Variants in OVCH1 observed in about 807,000 individuals in gnomAD.
OVCH1 encodes ovochymase 1, also known as ovochymase-1.
In OVCH1, 139 loss-of-function variants were observed where a neutral mutation model predicts 138.4. The observed-to-expected ratio is 1.00, with a 90% CI of 0.87 to 1.16. The LOEUF is 1.16. Ranked by LOEUF, OVCH1 falls within the 50% of genes most tolerant of loss-of-function variation. The pLI is 0.00. For missense variants in OVCH1, 1,367 were observed against 1,357.9 expected (o/e 1.01, Z -0.11); for synonymous variants, 453 against 467.8 (o/e 0.97, Z 0.41).
chr12:29,463,081 A>G (rs1942193508), intron 18 of OVCH1, among the ~76,000 whole-genome samples: 1 of 152,188 alleles, frequency 6.6e-6, no homozygotes, highest in African/African-American at 2.4e-5. Context: ...TGAAGCTGGT[A>G]AGCCAAGAAA....
At chr12:29,402,252 T>C in the OVCH1 span, among the ~76,000 whole-genome samples, 1 of 152,114 alleles carries the variant, frequency 6.6e-6, no homozygotes, top group Admixed American at 6.5e-5. Context: ...GTAAAAATGG[T>C]ACAAAACAGA....
chr12:29,450,424 A>G lies in OVCH1; in HGVS notation c.2755+921T>C, dbSNP rs566348919. ...ACAAACATTTGAAAAAAAGCTCAAC[A>G]TCGCTAGTCATTAGAGAAATGCAAA... On this transcript the variant is annotated intron_variant, in intron 22 of 27. Coordinates refer to ENST00000318184, the Ensembl canonical transcript of OVCH1. 2.2e-4 allele frequency among the ~76,000 whole-genome samples: 33 copies of G among 152,378 alleles called. 1 individual carries two copies. In the South Asian group the frequency reaches 5.4e-3, roughly 25 times the overall value.
chr12:29,422,297 A>C (rs557794995), intron 3 of OVCH1, among the ~76,000 whole-genome samples: 1 of 152,198 alleles, frequency 6.6e-6, no homozygotes, highest in African/African-American at 2.4e-5. Context: ...GGAGACAGAA[A>C]GGTCAATTAG....
At chr12:29,427,374 T>C (rs1183929735), downstream of OVCH1, among the ~76,000 whole-genome samples, 1 of 152,166 alleles carries the variant, frequency 6.6e-6, no homozygotes, top group African/African-American at 2.4e-5. Flanking sequence ...AAATTATAAA[T>C]GAATGAAAGA....
intron 27 of OVCH1, among the ~76,000 whole-genome samples, chr12:29,430,279 G>A (rs1437067750): frequency 6.6e-6 from 1 of 152,196 alleles, no homozygotes; most frequent in African/African-American, 2.4e-5. Context: ...CACTATTTTT[G>A]TGCTGGTTGG....
intron 6 of OVCH1, among the ~76,000 whole-genome samples, chr12:29,488,707 A>G (rs1048157210): frequency 6.6e-6 from 1 of 151,838 alleles, no homozygotes; most frequent in Non-Finnish European, 1.5e-5. Flanking sequence ...TTAGGATTGC[A>G]TCTTCAATAA....
intron 7 of OVCH1, 57 bp from the exon 8 acceptor site, chr12:29,486,405 A>C (rs1356142370): frequency 7.6e-7 from 1 of 1,311,694 alleles, no homozygotes; most frequent in Non-Finnish European, 1.1e-6. Flanking sequence ...TAAATAAAAC[A>C]TTTTTAACAA....
intron 8 of OVCH1, among the ~76,000 whole-genome samples, chr12:29,479,728 T>C (rs1942861976): frequency 6.6e-6 from 1 of 152,156 alleles, no homozygotes; most frequent in Non-Finnish European, 1.5e-5. Context: ...TTAAGGACTT[T>C]CGGAATTAGT....
chr12:29,444,411 T>C, intron 23 of OVCH1, 131 bp from the exon 24 acceptor site: 2 of 1,040,476 alleles, frequency 1.9e-6, no homozygotes, highest in Non-Finnish European at 2.7e-6. Context: ...TATTAGGAGG[T>C]GGTTGGTTTC....
At chr12:29,405,690 G>A in the OVCH1 span, among the ~76,000 whole-genome samples, 1 of 152,104 alleles carries the variant, frequency 6.6e-6, no homozygotes, top group East Asian at 1.9e-4. Flanking sequence ...TACGGTTCTA[G>A]GATGAGAGAA....
intron 19 of OVCH1, among the ~76,000 whole-genome samples, chr12:29,455,746 ATC>A (rs772304558): frequency 6.6e-6 from 1 of 152,240 alleles, no homozygotes; most frequent in Non-Finnish European, 1.5e-5. Context: ...GATTTCAAGC[ATC>A]TTTTTAAAAC....
intron 22 of OVCH1, among the ~76,000 whole-genome samples, chr12:29,448,996 G>T (rs1369898): frequency 0.062 from 9,444 of 152,006 alleles, 873 homozygotes; most frequent in African/African-American, 0.21. Flanking sequence ...TTACACCTGT[G>T]CAAACAGGAG....
chr12:29,440,806 GAATA>G, intron 25 of OVCH1, 62 bp from the exon 26 acceptor site: 1 of 450,280 alleles, frequency 2.2e-6, no homozygotes, highest in Non-Finnish European at 4.5e-6. Flanking sequence ...TAAATCTGAA[GAATA>G]AAAAAGACAG....
At chr12:29,451,166 C>A (rs11050236) in intron 22 of OVCH1, among the ~76,000 whole-genome samples, 179 bp downstream of exon 22, 62,410 of 149,986 alleles carry the variant, frequency 0.42, 13,507 homozygotes, top group East Asian at 0.57. Flanking sequence ...AAAGTATAAT[C>A]ATAATAATAA....
At chr12:29,473,280 T>TG (rs1942579698) in intron 14 of OVCH1, among the ~76,000 whole-genome samples, 177 bp from the exon 15 acceptor site, 1 of 152,204 alleles carries the variant, frequency 6.6e-6, no homozygotes, top group Non-Finnish European at 1.5e-5. Context: ...TTAATATCCC[T>TG]GTTCCATCTG....
the OVCH1 span, among the ~76,000 whole-genome samples, chr12:29,403,160 T>G: frequency 6.6e-6 from 1 of 152,214 alleles, no homozygotes; most frequent in East Asian, 1.9e-4. Context: ...CATCTTGATG[T>G]ATTATTGTAA....
intron 12 of OVCH1, among the ~76,000 whole-genome samples, chr12:29,476,688 C>T (rs184558197): frequency 6.6e-6 from 1 of 151,542 alleles, no homozygotes; most frequent in Admixed American, 6.6e-5. Flanking sequence ...GTGGGCTCAT[C>T]TGGAAAGATC....
At chr12:29,420,541 C>T (rs1453402818) in intron 3 of OVCH1, among the ~76,000 whole-genome samples, 2 of 6,394 alleles carry the variant, frequency 3.1e-4, no homozygotes, top group South Asian at 3.1e-3. Flanking sequence ...GACGGAGTCT[C>T]GCTCTGTCGC....
In OVCH1 at chr12:29,490,360, G is replaced by A. The variant is rs567593981; in HGVS notation, c.551-589C>T. 2.6e-4 allele frequency among the ~76,000 whole-genome samples: 40 copies of A among 152,238 alleles called. 1 individual carries two copies. Among genetic ancestry groups the A allele is most frequent in the African/African-American group, 8.4e-4 (35 of 41,532 alleles). On this transcript the variant is annotated intron_variant, in intron 5 of 27. Transcript: ENST00000318184. The stretch of plus-strand genomic sequence containing the variant: ...CTCCCAAAGTGCTAAGATTACAGGC[G>A]TGAGCCACTGCGCCCTGCCTAAAAT...
Sources: gnomAD v4.1 joint callset for allele counts (sites outside exome capture counted in the v4.1 genomes callset) on GRCh38, gnomAD v4.1.1 for gene constraint, MANE v1.5 for transcripts, NCBI Gene and HGNC (gene_info 2026-07-23, HGNC 2026-07-21) for gene names.